Variants in CHCHD3 observed in about 807,000 individuals in gnomAD.
CHCHD3 encodes MICOS complex subunit MIC19.
CHCHD3 carries 20 observed loss-of-function variants against 38.2 expected under a neutral mutation model. That is an observed-to-expected ratio of 0.52 (90% confidence interval 0.37 to 0.76). The LOEUF (loss-of-function observed/expected upper bound fraction) is 0.76. Ranked by LOEUF, CHCHD3 falls within the 30% of genes least tolerant of loss-of-function variation. The pLI, the probability that CHCHD3 is intolerant of heterozygous loss-of-function variation, is 0.00. For missense variants in CHCHD3, 245 were observed against 279.2 expected (o/e 0.88, Z 0.87); for synonymous variants, 82 against 100.0 (o/e 0.82, Z 1.07).
chr7:132,837,402 T>C (rs1468331972), intron 6 of CHCHD3, among the ~76,000 whole-genome samples: 1 of 152,224 alleles, frequency 6.6e-6, no homozygotes, highest in Non-Finnish European at 1.5e-5. Context: ...GTGAGACTTG[T>C]GGCCCATCCT....
intron 1 of CHCHD3, among the ~76,000 whole-genome samples, chr7:133,074,973 G>A (rs534525807): frequency 5.3e-5 from 8 of 152,106 alleles, no homozygotes; most frequent in Non-Finnish European, 1.0e-4. Context: ...AACTGGGTCT[G>A]AGCTTGTACT....
intron 2 of CHCHD3, chr7:133,052,142 G>A (rs575683083): frequency 6.6e-6 from 1 of 152,302 alleles, no homozygotes; most frequent in Non-Finnish European, 1.5e-5. Flanking sequence ...AGAGCCCCAT[G>A]GTGACTCAGG....
intron 2 of CHCHD3, among the ~76,000 whole-genome samples, chr7:133,057,649 T>C (rs570194356): frequency 6.6e-6 from 1 of 152,100 alleles, no homozygotes; most frequent in East Asian, 1.9e-4. Flanking sequence ...TTTTAACAAG[T>C]TTTATGTCAT....
chr7:132,899,666 A>G (rs1195200657), intron 4 of CHCHD3, among the ~76,000 whole-genome samples: 1 of 152,212 alleles, frequency 6.6e-6, no homozygotes, highest in Non-Finnish European at 1.5e-5. Flanking sequence ...TATTTGATCC[A>G]TAAGTTCTAT....
chr7:133,034,903 T>G (rs759385923), intron 2 of CHCHD3: 1 of 1,609,366 alleles, frequency 6.2e-7, no homozygotes, highest in Non-Finnish European at 8.5e-7. Flanking sequence ...GTGATGAGAT[T>G]GCAGCTCATG....
chr7:133,060,443 T>C, intron 2 of CHCHD3, among the ~76,000 whole-genome samples: 1 of 152,192 alleles, frequency 6.6e-6, no homozygotes, highest in East Asian at 1.9e-4. Flanking sequence ...AGGTGGGGCA[T>C]CTCACCAGGA....
At chr7:132,863,971 A>C (rs1808553194) in intron 5 of CHCHD3, among the ~76,000 whole-genome samples, 1 of 152,214 alleles carries the variant, frequency 6.6e-6, no homozygotes. Flanking sequence ...CCAAACCACG[A>C]ATCTTTCTCC....
chr7:132,911,324 ACAT>A (rs1809943710), intron 4 of CHCHD3, among the ~76,000 whole-genome samples: 1 of 152,194 alleles, frequency 6.6e-6, no homozygotes, highest in Admixed American at 6.5e-5. Context: ...CAACCCGAGA[ACAT>A]CATTAACTAC....
At chr7:132,870,479 C>T (rs1006166295) in intron 5 of CHCHD3, among the ~76,000 whole-genome samples, 2 of 151,890 alleles carry the variant, frequency 1.3e-5, no homozygotes, top group African/African-American at 4.8e-5. Context: ...GTATAATTAT[C>T]AACCTCCTAG....
intron 4 of CHCHD3, among the ~76,000 whole-genome samples, chr7:132,892,981 G>C (rs113827699): frequency 0.051 from 7,798 of 152,284 alleles, 387 homozygotes; most frequent in African/African-American, 0.12. Flanking sequence ...AAGGGAAATG[G>C]GGGGTTGGAG....
intron 4 of CHCHD3, among the ~76,000 whole-genome samples, chr7:132,943,215 A>T (rs1810811706): frequency 6.6e-6 from 1 of 152,192 alleles, no homozygotes; most frequent in South Asian, 2.1e-4. Context: ...AGTATTTAAA[A>T]TGCTTAATGA....
intron 2 of CHCHD3, among the ~76,000 whole-genome samples, chr7:133,037,576 G>A (rs1024948366): frequency 6.6e-6 from 1 of 152,180 alleles, no homozygotes; most frequent in African/African-American, 2.4e-5. Flanking sequence ...ACTTTCGGAG[G>A]CTGAGGCAGG....
chr7:132,913,943 T>C (rs1005507351), intron 4 of CHCHD3, among the ~76,000 whole-genome samples: 1 of 129,406 alleles, frequency 7.7e-6, no homozygotes, highest in African/African-American at 3.0e-5. Flanking sequence ...AAACGTTTTC[T>C]TTTTCTTTTT....
chr7:132,837,122 ACT>A (rs1344721441), intron 6 of CHCHD3, among the ~76,000 whole-genome samples: 3 of 152,034 alleles, frequency 2.0e-5, no homozygotes, highest in Non-Finnish European at 4.4e-5. Context: ...TTCACAGATC[ACT>A]CTAGTCAAAA....
chr7:132,948,651 A>G (rs989793540), intron 4 of CHCHD3, among the ~76,000 whole-genome samples: 1 of 152,154 alleles, frequency 6.6e-6, no homozygotes, highest in African/African-American at 2.4e-5. Flanking sequence ...ACACATGTCT[A>G]CTGAACATAC....
At chr7:132,943,044 AT>A (rs1398477202) in intron 4 of CHCHD3, among the ~76,000 whole-genome samples, 4 of 152,170 alleles carry the variant, frequency 2.6e-5, no homozygotes, top group African/African-American at 9.7e-5. Flanking sequence ...AAAAGATCCT[AT>A]TTTTTGTCTT....
chr7:132,990,557 G>A (rs966039715), intron 3 of CHCHD3, among the ~76,000 whole-genome samples: 3 of 152,194 alleles, frequency 2.0e-5, no homozygotes, highest in African/African-American at 7.2e-5. Flanking sequence ...TCCGTGACCT[G>A]AGAGACATGG....
intron 7 of CHCHD3, among the ~76,000 whole-genome samples, chr7:132,795,932 T>G (rs1446064739): frequency 6.6e-6 from 1 of 152,180 alleles, no homozygotes; most frequent in Non-Finnish European, 1.5e-5. Context: ...GAAATTCTTT[T>G]TAAAATGCTA....
chr7:133,007,754 G>T (rs2117403908), intron 3 of CHCHD3, among the ~76,000 whole-genome samples: 1 of 152,214 alleles, frequency 6.6e-6, no homozygotes, highest in Middle Eastern at 3.4e-3. Flanking sequence ...TAATTTACTT[G>T]CCCTTTGAAA....
Sources: gnomAD v4.1 joint callset for allele counts (sites outside exome capture counted in the v4.1 genomes callset) on GRCh38, gnomAD v4.1.1 for gene constraint, MANE v1.5 for transcripts, NCBI Gene and HGNC (gene_info 2026-07-23, HGNC 2026-07-21) for gene names.